Variants in GJA8 observed in about 807,000 individuals in gnomAD.
GJA8 encodes gap junction alpha-8 protein.
A neutral mutation model predicts 15.3 loss-of-function variants in GJA8; 13 were observed. That is an observed-to-expected ratio of 0.85 (90% CI 0.55 to 1.35). The LOEUF is 1.35. Among genes scored for constraint, GJA8 ranks in the 40% most tolerant of loss-of-function variants. GJA8 has a pLI of 0.00. For missense variants in GJA8, 607 were observed against 553.3 expected (o/e 1.10, Z -0.97); for synonymous variants, 304 against 238.7 (o/e 1.27, Z -2.52).
intron 1 of GJA8, among the ~76,000 whole-genome samples, chr1:147,903,224 A>G (rs1651671627): frequency 6.6e-6 from 1 of 152,208 alleles, no homozygotes; most frequent in African/African-American, 2.4e-5. Flanking sequence ...TTTTCACTCA[A>G]ATTCTACAAT....
chr1:147,908,423 CTTCAAG>C lies in GJA8; in HGVS notation c.469_474del (p.Phe157_Lys158del). On this transcript the variant is annotated inframe_deletion, in exon 2 of 2. Transcript: ENST00000369235. The stretch of plus-strand genomic sequence containing the variant: ...TGAGGACCTACATCTGCCACATCAT[CTTCAAG>C]ACCCTCTTTGAAGTGGGCTTCATCG... 1 of 1,614,228 alleles carries C rather than the reference CTTCAAG, an allele frequency of 6.2e-7. No individual in the cohort carries two copies. Among genetic ancestry groups the C allele is most frequent in the Non-Finnish European group, 8.5e-7 (1 of 1,180,040 alleles).
chr1:147,904,250 T>C (rs1553241988), intron 1 of GJA8, among the ~76,000 whole-genome samples: 1 of 152,194 alleles, frequency 6.6e-6, no homozygotes, highest in East Asian at 1.9e-4. Context: ...CTTATTTTTA[T>C]GTCCTTGTTT....
Position 147,909,128 on chromosome 1 carries a change from G to T in GJA8, c.1173G>T (p.Val391=). 1.2e-6 allele frequency: 2 copies of T among 1,614,114 alleles called. No individual in the cohort carries two copies. The highest frequency in any genetic ancestry group is 2.2e-5 in the South Asian group (2 of 91,074). Residue 391 remains valine, a synonymous_variant, in exon 2 of 2, where the codon GTG becomes GTT. Coordinates refer to ENST00000369235, the MANE Select transcript of GJA8 (RefSeq NM_005267.5). ...AAGAAGAGCCGCAGTCGGAGAAGGT[G>T]TCAAAGCAAGGGCTGCCAGCTGAGA... ...GEKEEPQSEK[V]SKQGLPAEKT... is the part of the protein sequence containing the mutation.
At position 147,907,310 on chromosome 1, in the gene GJA8, C is replaced by T. The variant is rs1038160044; in HGVS notation, c.-11-635C>T. On this transcript the variant is annotated intron_variant, in intron 1 of 1. Transcript: ENST00000369235. ...TAAATAAGACAGGCATGGCTCCTAC[C>T]GTCATGGAAATTACAGTCTAGCAGG... is the stretch of plus-strand genomic sequence containing the variant. Among the ~76,000 whole-genome samples the T allele has an allele frequency of 5.3e-4, 81 of 152,262 alleles. 1 individual carries two copies. Among genetic ancestry groups the T allele is most frequent in the Admixed American group, 3.3e-4 (5 of 15,302 alleles).
rs374680617 is a variant in GJA8, at chr1:147,908,442, G to A, written c.487G>A (p.Val163Met). Reference sequence around the variant, plus strand: ...CATCATCTTCAAGACCCTCTTTGAAGTGGGCTTCATCGTGGGCCACTACTT... The same window carrying A: ...CATCATCTTCAAGACCCTCTTTGAAATGGGCTTCATCGTGGGCCACTACTT... ...CHIIFKTLFE[V>M]GFIVGHYFLY... Residue 163 changes from valine (V) to methionine (M), a missense_variant, in exon 2 of 2, where the codon GTG (valine) becomes ATG (methionine). By Grantham distance (21) the Val-to-Met change is conservative (BLOSUM62 1). Coordinates refer to ENST00000369235, the MANE Select transcript of GJA8 (RefSeq NM_005267.5). 4.3e-6 allele frequency: 7 copies of A among 1,614,190 alleles called. No individual in the cohort carries two copies. The Admixed American group carries it at 1.2e-4, about 27-fold the overall frequency.
chr1:147,913,482 TTAG>T (rs1652262755), downstream of GJA8, among the ~76,000 whole-genome samples: 2 of 152,196 alleles, frequency 1.3e-5, no homozygotes, highest in Non-Finnish European at 2.9e-5. Flanking sequence ...GGTACTCGGC[TTAG>T]TAGAGCTCAC....
intron 1 of GJA8, among the ~76,000 whole-genome samples, chr1:147,904,870 C>T (rs183318309): frequency 6.6e-6 from 1 of 152,256 alleles, no homozygotes; most frequent in East Asian, 1.9e-4. Context: ...AAAATACAAT[C>T]TTAGCATGGC....
At chr1:147,906,443 A>G (rs1651800260) in intron 1 of GJA8, among the ~76,000 whole-genome samples, 1 of 152,206 alleles carries the variant, frequency 6.6e-6, no homozygotes, top group Admixed American at 6.5e-5. Context: ...CAGGCATTAT[A>G]TACTATCATG....
At chr1:147,906,934 G>C (rs1444546083) in intron 1 of GJA8, among the ~76,000 whole-genome samples, 2 of 151,818 alleles carry the variant, frequency 1.3e-5, no homozygotes, top group Non-Finnish European at 2.9e-5. Context: ...GCCCAGGATG[G>C]AGTATAGTGG....
At chr1:147,910,383 A>G (rs1314438876), downstream of GJA8, among the ~76,000 whole-genome samples, 1 of 152,136 alleles carries the variant, frequency 6.6e-6, no homozygotes, top group African/African-American at 2.4e-5. Flanking sequence ...TTATTTCACT[A>G]CTTTGGAGTG....
chr1:147,914,037 T>G (rs1342011801), downstream of GJA8, among the ~76,000 whole-genome samples: 2 of 152,174 alleles, frequency 1.3e-5, no homozygotes, highest in East Asian at 3.8e-4. Flanking sequence ...AAAACTTTTA[T>G]GAAAGACAGT....
At chr1:147,914,475 C>T in the GJA8 span, among the ~76,000 whole-genome samples, 1 of 152,156 alleles carries the variant, frequency 6.6e-6, no homozygotes, top group African/African-American at 2.4e-5. Flanking sequence ...ATAAAATTAA[C>T]TTGACTTTTC....
rs782456424 is a variant in GJA8, at chr1:147,908,584, T to A, written c.629T>A (p.Leu210Ter). ...TEKTIFILFM[L>*]SVASVSLFLN... ...AAAACCATCTTCATCCTGTTCATGT[T>A]GTCTGTGGCCTCTGTGTCCCTATTC... Residue 210 changes from leucine (L) to a stop codon, truncating the protein, a stop_gained, in exon 2 of 2, where the codon TTG becomes TAG. Transcript: ENST00000369235. LOFTEE classifies it low-confidence loss of function (END_TRUNC). 3.1e-6 allele frequency: 5 copies of A among 1,614,096 alleles called. No homozygotes were observed. Among genetic ancestry groups the A allele is most frequent in the Non-Finnish European group, 3.4e-6 (4 of 1,180,020 alleles).
chr1:147,907,386 A>G (rs1409289368), intron 1 of GJA8, among the ~76,000 whole-genome samples: 1 of 152,208 alleles, frequency 6.6e-6, no homozygotes, highest in East Asian at 1.9e-4. Flanking sequence ...CAAAGTTGGT[A>G]TTCAATAAAT....
At chr1:147,912,912 A>G (rs113601252), downstream of GJA8, among the ~76,000 whole-genome samples, 599 of 149,866 alleles carry the variant, frequency 4.0e-3, 8 homozygotes, top group African/African-American at 0.01. Flanking sequence ...AAAAAAAAAA[A>G]AAAGAAAGAA....
downstream of GJA8, among the ~76,000 whole-genome samples, chr1:147,909,628 A>T (rs142525003): frequency 1.7e-3 from 260 of 152,294 alleles, 2 homozygotes; most frequent in African/African-American, 6.1e-3. Context: ...TCACTAAGCC[A>T]GAATCTATCA....
chr1:147,909,112 C>A lies in GJA8; in HGVS notation c.1157C>A (p.Pro386Gln). Residue 386 changes from proline to glutamine, a missense_variant, in exon 2 of 2, where the codon CCG becomes CAG. Coordinates refer to ENST00000369235, the MANE Select transcript of GJA8 (RefSeq NM_005267.5). ...GATAAGGAGGGTGAAAAAGAAGAGC[C>A]GCAGTCGGAGAAGGTGTCAAAGCAA... ...GVDKEGEKEEPQSEKVSKQGL... is the reference protein window; with the variant it reads ...GVDKEGEKEEQQSEKVSKQGL... 4 of 1,613,698 alleles carry A rather than the reference C, an allele frequency of 2.5e-6. No homozygotes were observed. Among genetic ancestry groups the A allele is most frequent in the Non-Finnish European group, 3.4e-6 (4 of 1,179,810 alleles).
At chr1:147,903,636 C>A (rs1209024345) in intron 1 of GJA8, among the ~76,000 whole-genome samples, 2 of 152,202 alleles carry the variant, frequency 1.3e-5, no homozygotes, top group Non-Finnish European at 2.9e-5. Flanking sequence ...TTTCACCTCC[C>A]AGCCTGTCTT....
downstream of GJA8, among the ~76,000 whole-genome samples, chr1:147,912,911 AAAAAGAAAG>A (rs1212361795): frequency 1.3e-5 from 2 of 151,332 alleles, no homozygotes; most frequent in African/African-American, 2.4e-5. Flanking sequence ...AAAAAAAAAA[AAAAAGAAAG>A]AAAAGAAAGA....
Sources: gnomAD v4.1 joint callset for allele counts (sites outside exome capture counted in the v4.1 genomes callset) on GRCh38, gnomAD v4.1.1 for gene constraint, MANE v1.5 for transcripts, NCBI Gene and HGNC (gene_info 2026-07-23, HGNC 2026-07-21) for gene names.